Variants in CDC14A observed in about 807,000 individuals in gnomAD.
CDC14A encodes the protein dual specificity protein phosphatase CDC14A.
CDC14A carries 53 observed loss-of-function variants against 74.4 expected under a neutral mutation model. That is an observed-to-expected ratio of 0.71 (90% CI 0.57 to 0.89). The LOEUF (loss-of-function observed/expected upper bound fraction) is 0.89, where lower values mean the gene tolerates loss of function less well. CDC14A is among the 40% of genes least tolerant of loss of function. The pLI is 0.00. For synonymous variants in CDC14A, 247 were observed against 258.4 expected (o/e 0.96, Z 0.43); for missense variants, 646 against 713.7 (o/e 0.91, Z 1.08).
chr1:100,500,338 T>G (rs558599697), intron 15 of CDC14A, among the ~76,000 whole-genome samples: 1 of 152,270 alleles, frequency 6.6e-6, no homozygotes, highest in Admixed American at 6.5e-5. Flanking sequence ...AGTGCCTGCT[T>G]CTGTAGAGAA....
chr1:100,425,928 T>C (rs967576717), intron 5 of CDC14A, among the ~76,000 whole-genome samples: 1 of 152,234 alleles, frequency 6.6e-6, no homozygotes, highest in African/African-American at 2.4e-5. Flanking sequence ...TGCTTCTTGC[T>C]GTCTGTAGTA....
chr1:100,411,217 G>C (rs1045908809), intron 4 of CDC14A, among the ~76,000 whole-genome samples: 1 of 152,072 alleles, frequency 6.6e-6, no homozygotes, highest in Non-Finnish European at 1.5e-5. Flanking sequence ...CTCTACCTTC[G>C]CAGCCCTCAG....
intron 8 of CDC14A, among the ~76,000 whole-genome samples, chr1:100,458,712 G>A (rs1666976838): frequency 6.7e-6 from 1 of 148,680 alleles, no homozygotes; most frequent in Admixed American, 6.7e-5. Context: ...TTTGAATTGA[G>A]AAACCTGTGT....
chr1:100,447,470 G>C (rs971453842), intron 7 of CDC14A, among the ~76,000 whole-genome samples: 2 of 152,128 alleles, frequency 1.3e-5, no homozygotes, highest in Non-Finnish European at 2.9e-5. Flanking sequence ...GTGAGATGGT[G>C]GTCCAAAACC....
At position 100,352,978 on chromosome 1, in the gene CDC14A, A is replaced by T. The variant is rs1278654691; in HGVS notation, c.24A>T (p.Leu8=). The change falls in exon 1 of 16, where the codon CTA becomes CTT. Residue 8 remains leucine, a synonymous_variant. Transcript: ENST00000336454. ...AGATGGCAGCGGAGTCAGGGGAACT[A>T]ATCGGGGCTTGTGAGTTCATGAAAG... MAAESGE[L]IGACEFMKDR... The T allele has an allele frequency of 6.2e-7, 1 of 1,614,046 alleles. No individual in the cohort carries two copies. Among genetic ancestry groups the T allele is most frequent in the Non-Finnish European group, 8.5e-7 (1 of 1,180,004 alleles).
At chr1:100,453,328 G>C (rs1374171215) in intron 7 of CDC14A, among the ~76,000 whole-genome samples, 1 of 152,114 alleles carries the variant, frequency 6.6e-6, no homozygotes, top group Non-Finnish European at 1.5e-5. Flanking sequence ...CCTACTTGGT[G>C]GTCAAGGATA....
chr1:100,459,003 A>G (rs1667008436), intron 8 of CDC14A, among the ~76,000 whole-genome samples: 1 of 152,094 alleles, frequency 6.6e-6, no homozygotes, highest in Non-Finnish European at 1.5e-5. Flanking sequence ...GATGGATAAC[A>G]GCAGAATGAA....
At chr1:100,393,826 C>T (rs1335252553) in intron 4 of CDC14A, among the ~76,000 whole-genome samples, 2 of 151,934 alleles carry the variant, frequency 1.3e-5, no homozygotes, top group East Asian at 3.9e-4. Flanking sequence ...GCCTGTAGTC[C>T]CAGCTACTCG....
chr1:100,457,211 C>A (rs1666786342), intron 8 of CDC14A, among the ~76,000 whole-genome samples: 1 of 152,092 alleles, frequency 6.6e-6, no homozygotes, highest in South Asian at 2.1e-4. Flanking sequence ...ATTGTAAAAG[C>A]CATTTAAAAG....
Position 100,483,056 on chromosome 1 carries a change from G to A in CDC14A, c.978-1236G>A, listed in dbSNP as rs113576591. Among the ~76,000 whole-genome samples, 68 of 152,154 alleles carry A rather than the reference G, an allele frequency of 4.5e-4. 1 individual carries two copies. Among genetic ancestry groups the A allele is most frequent in the African/African-American group, 1.0e-3 (42 of 41,520 alleles). The stretch of plus-strand genomic sequence containing the variant: ...TGAATAGTGCTACATGAACATTTGC[G>A]TGTATGTGTCTTTATGGTAGAATGA... On this transcript the variant is annotated intron_variant, in intron 10 of 15. Coordinates refer to ENST00000336454, the MANE Select transcript of CDC14A (RefSeq NM_003672.4).
intron 2 of CDC14A, among the ~76,000 whole-genome samples, chr1:100,369,167 C>T (rs1474704710): frequency 6.6e-6 from 1 of 151,582 alleles, no homozygotes; most frequent in Non-Finnish European, 1.5e-5. Context: ...ACCTCCGCCT[C>T]CTGGGTTCAA....
chr1:100,400,612 A>G (rs1374653592), intron 4 of CDC14A, among the ~76,000 whole-genome samples: 1 of 152,202 alleles, frequency 6.6e-6, no homozygotes, highest in Non-Finnish European at 1.5e-5. Context: ...GTTGCCTGTA[A>G]ATGGGCCAGT....
chr1:100,396,589 A>C (rs542606502), intron 4 of CDC14A, among the ~76,000 whole-genome samples: 1 of 152,362 alleles, frequency 6.6e-6, no homozygotes, highest in South Asian at 2.1e-4. Context: ...CAAAGTAAAG[A>C]GCATAGACCA....
intron 4 of CDC14A, among the ~76,000 whole-genome samples, chr1:100,422,682 T>A (rs553421252): frequency 3.9e-5 from 6 of 152,258 alleles, no homozygotes; most frequent in Non-Finnish European, 7.3e-5. Flanking sequence ...TATTGCTTTT[T>A]GTTTCACACT....
intron 10 of CDC14A, among the ~76,000 whole-genome samples, chr1:100,471,389 A>G (rs1668382897): frequency 6.6e-6 from 1 of 152,186 alleles, no homozygotes; most frequent in South Asian, 2.1e-4. Flanking sequence ...TACTAGCCTT[A>G]AACAATTAGA....
chr1:100,426,382 G>A (rs1662961611), intron 5 of CDC14A, among the ~76,000 whole-genome samples: 1 of 151,946 alleles, frequency 6.6e-6, no homozygotes, highest in African/African-American at 2.4e-5. Context: ...CAAAGTGCTG[G>A]GATAAAGGTG....
At chr1:100,412,728 T>TATATATATATATATATATATCAA (rs1557732405) in intron 4 of CDC14A, among the ~76,000 whole-genome samples, 1 of 98,238 alleles carries the variant, frequency 1.0e-5, no homozygotes, top group South Asian at 2.6e-4. Flanking sequence ...ATATATTTTA[T>TATATATATATATATATATATCAA]ATATATATAT....
chr1:100,376,759 T>G (rs1356758431), intron 2 of CDC14A, among the ~76,000 whole-genome samples: 1 of 152,118 alleles, frequency 6.6e-6, no homozygotes, highest in African/African-American at 2.4e-5. Flanking sequence ...TGTCTTATAA[T>G]ACAGAAAGTT....
chr1:100,347,705 A>G (rs1650548869), upstream of CDC14A, among the ~76,000 whole-genome samples: 1 of 152,222 alleles, frequency 6.6e-6, no homozygotes, highest in Non-Finnish European at 1.5e-5. Context: ...AATAATTCAA[A>G]TTACCTTGAA....
Sources: gnomAD v4.1 joint callset for allele counts (sites outside exome capture counted in the v4.1 genomes callset) on GRCh38, gnomAD v4.1.1 for gene constraint, MANE v1.5 for transcripts, NCBI Gene and HGNC (gene_info 2026-07-23, HGNC 2026-07-21) for gene names.